Variants in C16orf96 observed in about 807,000 individuals in gnomAD.
C16orf96 encodes the protein chromosome 16 open reading frame 96.
A neutral mutation model predicts 103.6 loss-of-function variants in C16orf96; 108 were observed. The ratio of observed to expected loss-of-function variants is 1.04; its 90% CI spans 0.89 to 1.22. C16orf96 has a LOEUF of 1.22. C16orf96 is among the 50% of genes most tolerant of loss of function. The pLI is 0.00. For synonymous variants in C16orf96, 566 were observed against 593.5 expected, an observed-to-expected ratio of 0.95 and a Z score of 0.67; for missense variants, 1,586 against 1,464.2, an observed-to-expected ratio of 1.08 and a Z score of -1.36.
intron 8 of C16orf96, among the ~76,000 whole-genome samples, 194 bp from the exon 9 acceptor site, chr16:4,587,973 C>G (rs1490213620): frequency 6.6e-6 from 1 of 152,106 alleles, no homozygotes; most frequent in Non-Finnish European, 1.5e-5. Context: ...ATCAACTTCC[C>G]TGTTATAGGA....
Position 4,575,472 on chromosome 16 carries a change from G to T in C16orf96, c.992G>T (p.Gly331Val), listed in dbSNP as rs534567411. 1.3e-6 allele frequency: 2 copies of T among 1,548,144 alleles called. No individual in the cohort carries two copies. The highest frequency in any genetic ancestry group is 2.4e-5 in the South Asian group (2 of 84,044). ...GAATTTGCACCTGGGCCTGCACCTG[G>T]GACTGAACCTGTGCCAGGACTGGAG... ...TTEFAPGPAPGTEPVPGLELG... is the reference protein window; with the variant it reads ...TTEFAPGPAPVTEPVPGLELG... Residue 331 changes from glycine (G) to valine (V), a missense_variant, in exon 5 of 16, where the codon GGG becomes GTG. Gly to Val is a moderately radical substitution (Grantham distance 109). Coordinates refer to ENST00000444310, the MANE Select transcript of C16orf96 (RefSeq NM_001145011.2).
In C16orf96 at chr16:4,593,278, C is replaced by A; in HGVS notation, c.2829C>A (p.Ser943Arg). The change falls in exon 12 of 16, where the codon AGC becomes AGA. Residue 943 changes from serine (S) to arginine (R), a missense_variant. Physicochemically the swap from Ser to Arg is moderately radical, Grantham distance 110. Transcript: ENST00000444310. This position sits in a 1 kb window ranked among gnomAD's most constrained non-coding sequence, Gnocchi z 4.2. ...TGCTGTCCCGGCTGCGGCCAGCCAG[C>A]GCCAACAGCTGCGAGTACTTGCAGC... Reference protein sequence around the residue: ...AHLLSRLRPASANSCEYLQRQ... With the variant: ...AHLLSRLRPARANSCEYLQRQ... 1 of 1,550,996 alleles carries A rather than the reference C, an allele frequency of 6.4e-7. No individual in the cohort carries two copies. The highest frequency in any genetic ancestry group is 8.7e-7 in the Non-Finnish European group (1 of 1,146,868).
Position 4,566,886 on chromosome 16 carries a change from T to G in C16orf96, c.421-4675T>G, listed in dbSNP as rs61212019. Reference sequence around the variant, plus strand: ...TCTTTCATTTCTGATTCTAATAATTTGAGTCTGATTCTTGGCCAATCTAGC... The same window carrying G: ...TCTTTCATTTCTGATTCTAATAATTGGAGTCTGATTCTTGGCCAATCTAGC... On this transcript the variant is annotated intron_variant, in intron 1 of 15. Transcript: ENST00000444310. 4.9e-3 allele frequency among the ~76,000 whole-genome samples: 751 copies of G among 152,294 alleles called. 5 individuals are homozygous for G. Among genetic ancestry groups the G allele is most frequent in the African/African-American group, 0.017 (714 of 41,570 alleles).
At chr16:4,594,314 G>A (rs771617425) in intron 12 of C16orf96, 37 bp from the exon 13 acceptor site, 24 of 1,545,332 alleles carry the variant, frequency 1.6e-5, no homozygotes, top group Middle Eastern at 3.7e-4. Flanking sequence ...GGGGTACAGG[G>A]TCTCCAGGTC....
rs1264842320 is a variant in C16orf96 at position 4,594,416 on chromosome 16, A to G, written c.2933A>G (p.Asp978Gly). The G allele has an allele frequency of 6.4e-7, 1 of 1,551,292 alleles. No individual in the cohort carries two copies. The highest frequency in any genetic ancestry group is 2.4e-5 in the East Asian group (1 of 40,928). ...IQEDCQQDWG[D>G]GPQNATSLKC... is the part of the protein sequence containing the mutation. ...GAGGATTGTCAGCAGGACTGGGGTG[A>G]TGGCCCCCAAAACGCCACCAGCCTC... The change falls in exon 13 of 16, where the codon GAT becomes GGT. Residue 978 changes from aspartate (D) to glycine (G), a missense_variant. By Grantham distance (94) the Asp-to-Gly change is moderately conservative (BLOSUM62 -1). Coordinates refer to ENST00000444310, the MANE Select transcript of C16orf96 (RefSeq NM_001145011.2).
At chr16:4,560,764 G>C (rs1388915805) in intron 1 of C16orf96, 1 of 151,996 alleles carries the variant, frequency 6.6e-6, no homozygotes, top group Non-Finnish European at 1.5e-5. Context: ...AGTGAGCTCT[G>C]ATGGCCCCAC....
In C16orf96 at chr16:4,575,777, T is replaced by A; in HGVS notation, c.1297T>A (p.Leu433Met). The A allele has an allele frequency of 6.5e-7, 1 of 1,550,336 alleles. No individual in the cohort carries two copies. The highest frequency in any genetic ancestry group is 8.7e-7 in the Non-Finnish European group (1 of 1,146,788). The change falls in exon 5 of 16, where the codon TTG becomes ATG. Residue 433 changes from leucine to methionine, a missense_variant. Leu to Met is a conservative substitution (Grantham distance 15). Transcript: ENST00000444310. ...ACCACCAGCCACTGAGTTTGGCTCA[T>A]TGTGGCCTCGACCACTCCAGCCATA... ...APPPATEFGSLWPRPLQPYQS... is the reference protein window; with the variant it reads ...APPPATEFGSMWPRPLQPYQS...
rs997036158 is a variant in C16orf96, at chr16:4,575,641, T to A, written c.1161T>A (p.Pro387=). ...AGCCTCCACCACTGGGAGACTGGCC[T>A]GCACTCCCAAGACGCTGGCCTCTTC... ...GAQPPPLGDW[P]ALPRRWPLPQ... Residue 387 remains proline, a synonymous_variant, in exon 5 of 16, where the codon CCT becomes CCA. Coordinates refer to ENST00000444310, the MANE Select transcript of C16orf96 (RefSeq NM_001145011.2). The A allele has an allele frequency of 1.3e-5, 20 of 1,533,132 alleles. No homozygotes were observed. Among genetic ancestry groups the A allele is most frequent in the Non-Finnish European group, 1.8e-5 (20 of 1,138,864 alleles). 95.0% of individuals were successfully genotyped at this position (1,533,132 alleles called of 1,614,324 possible).
chr16:4,567,884 G>A (rs910417915), intron 1 of C16orf96, among the ~76,000 whole-genome samples: 13 of 151,442 alleles, frequency 8.6e-5, no homozygotes, highest in African/African-American at 2.7e-4. Flanking sequence ...TTTTAGTAGA[G>A]ATGGGGTTTC....
intron 7 of C16orf96, among the ~76,000 whole-genome samples, chr16:4,582,964 G>A (rs907961265): frequency 2.0e-5 from 3 of 152,214 alleles, no homozygotes; most frequent in African/African-American, 4.8e-5. Context: ...GGCCAGGCTC[G>A]GTGGCTCACG....
intron 14 of C16orf96, among the ~76,000 whole-genome samples, chr16:4,597,604 T>C (rs1335806617): frequency 1.3e-5 from 2 of 152,030 alleles, no homozygotes; most frequent in East Asian, 1.9e-4. Context: ...TTGCCAAGGC[T>C]GGAGTGCAGT....
chr16:4,542,387 T>C, the C16orf96 span, among the ~76,000 whole-genome samples: 3 of 151,952 alleles, frequency 2.0e-5, no homozygotes, highest in African/African-American at 7.3e-5. Context: ...TAAATAAAAA[T>C]TTGAAAATAA....
intron 1 of C16orf96, among the ~76,000 whole-genome samples, chr16:4,570,027 T>C (rs1349208707): frequency 2.6e-5 from 4 of 152,202 alleles, no homozygotes; most frequent in African/African-American, 9.6e-5. Context: ...CCCTACGTCT[T>C]AAAAGTGCCC....
chr16:4,543,278 G>A, the C16orf96 span, among the ~76,000 whole-genome samples: 1 of 152,162 alleles, frequency 6.6e-6, no homozygotes, highest in African/African-American at 2.4e-5. Flanking sequence ...GCAGAGAAAT[G>A]AAACACAGAG....
the C16orf96 span, among the ~76,000 whole-genome samples, chr16:4,547,319 T>C: frequency 6.6e-6 from 1 of 152,130 alleles, no homozygotes; most frequent in South Asian, 2.1e-4. Flanking sequence ...GTATTTATGG[T>C]AGAGATGGGG....
intron 1 of C16orf96, among the ~76,000 whole-genome samples, chr16:4,570,985 G>A (rs1365712666): frequency 3.3e-5 from 5 of 152,018 alleles, no homozygotes; most frequent in South Asian, 2.1e-4. Flanking sequence ...CCTGAGCAAC[G>A]TGGTGAAACC....
At chr16:4,543,592 T>TG in the C16orf96 span, among the ~76,000 whole-genome samples, 4 of 152,146 alleles carry the variant, frequency 2.6e-5, no homozygotes, top group Admixed American at 2.6e-4. Context: ...CCCAAAGTGC[T>TG]GCGATTACAG....
chr16:4,585,682 G>A (rs971388800), intron 7 of C16orf96, among the ~76,000 whole-genome samples: 2 of 152,142 alleles, frequency 1.3e-5, no homozygotes, highest in South Asian at 2.1e-4. Flanking sequence ...GGGTTCTGGA[G>A]GCGGGAATTC....
intron 1 of C16orf96, among the ~76,000 whole-genome samples, chr16:4,568,955 G>C (rs918344474): frequency 3.3e-5 from 5 of 151,718 alleles, no homozygotes; most frequent in African/African-American, 1.2e-4. Context: ...CTCGGGTTTT[G>C]TTTTTTCGAG....
Sources: gnomAD v4.1 joint callset for allele counts (sites outside exome capture counted in the v4.1 genomes callset) on GRCh38, gnomAD v4.1.1 for gene constraint, Gnocchi (gnomAD v3.1) non-coding constraint, MANE v1.5 for transcripts, NCBI Gene and HGNC (gene_info 2026-07-23, HGNC 2026-07-21) for gene names.